SSH2: variants seen among roughly 807,000 people sequenced by gnomAD.
The protein encoded by SSH2 is slingshot protein phosphatase 2.
Under a neutral mutation model 135.2 loss-of-function variants are expected in SSH2, and 37 were observed. The ratio of observed to expected loss-of-function variants is 0.27; its 90% confidence interval spans 0.21 to 0.36. The LOEUF (loss-of-function observed/expected upper bound fraction) is 0.36. Ranked by LOEUF, SSH2 falls within the 10% of genes least tolerant of loss-of-function variation. SSH2 has a pLI of 1.00. For missense variants in SSH2, 1,408 were observed against 1,765.3 expected, an observed-to-expected ratio of 0.80 and a Z score of 3.63; for synonymous variants, 628 against 646.2, an observed-to-expected ratio of 0.97 and a Z score of 0.43.
intron 8 of SSH2, 27 bp downstream of exon 8, chr17:29,676,793 T>C (rs2037739385): frequency 1.9e-6 from 3 of 1,577,566 alleles, no homozygotes; most frequent in Non-Finnish European, 2.6e-6. Flanking sequence ...TAAAACACTT[T>C]TGTAGAGATA....
At chr17:29,677,968 T>C (rs1282140573) in intron 6 of SSH2, among the ~76,000 whole-genome samples, 1 of 152,222 alleles carries the variant, frequency 6.6e-6, no homozygotes, top group Non-Finnish European at 1.5e-5. Flanking sequence ...GAAGAAAACT[T>C]ACTGACTCAG....
intron 3 of SSH2, among the ~76,000 whole-genome samples, chr17:29,791,021 C>A (rs1348665680): frequency 6.6e-6 from 1 of 151,928 alleles, no homozygotes; most frequent in African/African-American, 2.4e-5. Flanking sequence ...AGCCACTGCA[C>A]CTGGTCTGAA....
At chr17:29,868,737 CAA>C (rs10670727) in intron 1 of SSH2, among the ~76,000 whole-genome samples, 6 of 120,170 alleles carry the variant, frequency 5.0e-5, no homozygotes, top group Non-Finnish European at 3.4e-5. Context: ...GACTCCACCT[CAA>C]AAAAAAAAAA....
chr17:29,862,712 C>T (rs150550641), intron 1 of SSH2, among the ~76,000 whole-genome samples: 41 of 152,314 alleles, frequency 2.7e-4, no homozygotes, highest in African/African-American at 9.6e-4. Context: ...CTAACTCTGG[C>T]CTGCAATTAG....
intron 1 of SSH2, among the ~76,000 whole-genome samples, chr17:29,878,713 T>C (rs2066080851): frequency 6.6e-6 from 1 of 152,192 alleles, no homozygotes; most frequent in Admixed American, 6.5e-5. Context: ...GAGTTACTAG[T>C]CATAGTATTA....
chr17:29,883,926 C>T (rs139288098), intron 1 of SSH2, among the ~76,000 whole-genome samples: 90 of 152,244 alleles, frequency 5.9e-4, no homozygotes, highest in African/African-American at 1.5e-3. Context: ...TTTTCTCCTT[C>T]TATTCATGAG....
At chr17:29,730,510 A>C (rs1417294438) in intron 3 of SSH2, among the ~76,000 whole-genome samples, 1 of 149,894 alleles carries the variant, frequency 6.7e-6, no homozygotes, top group Non-Finnish European at 1.5e-5. Context: ...ATCACCACTC[A>C]CTGTAGCCTT....
intron 3 of SSH2, among the ~76,000 whole-genome samples, chr17:29,734,544 C>T (rs947422263): frequency 6.6e-6 from 1 of 152,192 alleles, no homozygotes; most frequent in Non-Finnish European, 1.5e-5. Context: ...AACCTCCTAA[C>T]ATCTCTTTAT....
chr17:29,794,020 A>ACATGTTGTGTACTTGAACTAAATTACT (rs2042117420), intron 2 of SSH2, 83 bp from the exon 3 acceptor site: 1 of 1,093,558 alleles, frequency 9.1e-7, no homozygotes, highest in Non-Finnish European at 1.4e-6. Context: ...ACTAAGTTTC[A>ACATGTTGTGTACTTGAACTAAATTACT]CATGTTGTGT....
At chr17:29,812,442 C>G (rs1031149828) in intron 2 of SSH2, among the ~76,000 whole-genome samples, 1 of 151,998 alleles carries the variant, frequency 6.6e-6, no homozygotes, top group African/African-American at 2.4e-5. Flanking sequence ...TGCCACCATG[C>G]TTGACTAACT....
At chr17:29,729,540 T>A (rs1044565203) in intron 3 of SSH2, among the ~76,000 whole-genome samples, 1 of 152,230 alleles carries the variant, frequency 6.6e-6, no homozygotes, top group Non-Finnish European at 1.5e-5. Context: ...TTGCTGGGCA[T>A]ATACCCAAAG....
chr17:29,828,009 G>A (rs1049236989), intron 2 of SSH2, among the ~76,000 whole-genome samples: 5 of 152,122 alleles, frequency 3.3e-5, no homozygotes, highest in Non-Finnish European at 1.5e-5. Context: ...GAACAATTTA[G>A]CTGATGCTTT....
intron 3 of SSH2, among the ~76,000 whole-genome samples, chr17:29,777,172 A>G (rs1316664963): frequency 6.6e-6 from 1 of 151,870 alleles, no homozygotes; most frequent in African/African-American, 2.4e-5. Flanking sequence ...AGATCTCGCC[A>G]CTGCACTCCA....
chr17:29,737,920 CTTAT>C (rs57778245), intron 3 of SSH2, among the ~76,000 whole-genome samples: 6,107 of 150,694 alleles, frequency 0.041, 376 homozygotes, highest in African/African-American at 0.14. Context: ...GAGAAAGTCT[CTTAT>C]TTATTTATTT....
intron 6 of SSH2, among the ~76,000 whole-genome samples, chr17:29,683,829 T>C (rs192447986): frequency 1.3e-5 from 2 of 151,726 alleles, no homozygotes; most frequent in Admixed American, 6.6e-5. Context: ...CCTGTACTTC[T>C]AGCTACTTAG....
At chr17:29,820,101 C>A (rs1196256913) in intron 2 of SSH2, among the ~76,000 whole-genome samples, 1 of 152,090 alleles carries the variant, frequency 6.6e-6, no homozygotes, top group East Asian at 1.9e-4. Context: ...TTTACGTGAA[C>A]CAGTCCCCTC....
At chr17:29,856,781 A>G (rs934481884) in intron 1 of SSH2, among the ~76,000 whole-genome samples, 1 of 152,206 alleles carries the variant, frequency 6.6e-6, no homozygotes, top group Non-Finnish European at 1.5e-5. Flanking sequence ...GTGTACATAC[A>G]AGCATTGTGT....
chr17:29,648,072 A>G, intron 14 of SSH2, 72 bp downstream of exon 14: 1 of 1,371,346 alleles, frequency 7.3e-7, no homozygotes, highest in Non-Finnish European at 1.0e-6. Context: ...AGAAGTAGCT[A>G]CAGAGAAGGA....
chr17:29,908,307 T>C (rs919422042), intron 1 of SSH2, among the ~76,000 whole-genome samples: 1 of 151,624 alleles, frequency 6.6e-6, no homozygotes, highest in Admixed American at 6.6e-5. Flanking sequence ...AAAAAATAAA[T>C]TAGTCAGGTA....
Sources: gnomAD v4.1 joint callset for allele counts (sites outside exome capture counted in the v4.1 genomes callset) on GRCh38, gnomAD v4.1.1 for gene constraint, MANE v1.5 for transcripts, NCBI Gene and HGNC (gene_info 2026-07-23, HGNC 2026-07-21) for gene names.